Variants in MAPDA observed in about 807,000 individuals in gnomAD.
The protein encoded by MAPDA is N6,N6-dimethyl-AMP deaminase.
the MAPDA span, among the ~76,000 whole-genome samples, chr15:43,339,940 A>G: frequency 0.46 from 69,724 of 152,144 alleles, 19,997 homozygotes; most frequent in African/African-American, 0.82. Context: ...TTAGTTTTGC[A>G]CCATTTCTCT....
the MAPDA span, among the ~76,000 whole-genome samples, chr15:43,343,344 G>T: frequency 0.022 from 3,301 of 152,262 alleles, 117 homozygotes; most frequent in African/African-American, 0.076. Context: ...TGGCCTACAA[G>T]GTCCCACATG....
the MAPDA span, among the ~76,000 whole-genome samples, chr15:43,336,997 G>T: frequency 6.6e-6 from 1 of 151,978 alleles, no homozygotes; most frequent in South Asian, 2.1e-4. Context: ...GGCTGGGCGT[G>T]GTGGCTCACG....
At chr15:43,342,882 G>C in the MAPDA span, 1 of 743,410 alleles carries the variant, frequency 1.3e-6, no homozygotes, top group Non-Finnish European at 2.2e-6. Flanking sequence ...CTTTAACTAT[G>C]CCCTTGTCAT....
chr15:43,349,634 G>A, the MAPDA span, among the ~76,000 whole-genome samples: 4 of 152,192 alleles, frequency 2.6e-5, no homozygotes, highest in African/African-American at 9.7e-5. Context: ...AGTAGTGATT[G>A]TATAACCACT....
the MAPDA span, chr15:43,345,821 T>C: frequency 2.5e-6 from 4 of 1,613,332 alleles, no homozygotes; most frequent in Non-Finnish European, 2.5e-6. Flanking sequence ...CTGTGTCATA[T>C]TAGTTTTCAA....
At chr15:43,335,569 G>C in the MAPDA span, 1 of 1,105,384 alleles carries the variant, frequency 9.0e-7, no homozygotes, top group East Asian at 2.6e-5. Context: ...GGCAAAATTT[G>C]TAAACTTTAT....
the MAPDA span, among the ~76,000 whole-genome samples, chr15:43,347,970 C>A: frequency 6.6e-6 from 1 of 152,194 alleles, no homozygotes; most frequent in Admixed American, 6.5e-5. Context: ...GCTGACCTAA[C>A]TGATGTGTGA....
chr15:43,351,167 G>T, the MAPDA span: 544 of 902,382 alleles, frequency 6.0e-4, no homozygotes, highest in Non-Finnish European at 8.2e-4. Flanking sequence ...GAGTTAGAAG[G>T]GACCGGGGTG....
chr15:43,337,262 C>A, the MAPDA span, among the ~76,000 whole-genome samples: 4 of 128,724 alleles, frequency 3.1e-5, no homozygotes, highest in Non-Finnish European at 4.7e-5. Context: ...GGCAACAGAG[C>A]GAGACTCCGT....
At chr15:43,345,246 C>T in the MAPDA span, among the ~76,000 whole-genome samples, 1 of 151,252 alleles carries the variant, frequency 6.6e-6, no homozygotes, top group African/African-American at 2.4e-5. Context: ...CCCAGCTACT[C>T]GGGTGACTGA....
chr15:43,331,686 T>C, the MAPDA span, among the ~76,000 whole-genome samples: 32 of 152,246 alleles, frequency 2.1e-4, no homozygotes, highest in South Asian at 4.6e-3. Context: ...ACATTTAGAT[T>C]TGGTGTTTAA....
the MAPDA span, among the ~76,000 whole-genome samples, chr15:43,334,706 T>C: frequency 7.2e-6 from 1 of 137,950 alleles, no homozygotes; most frequent in African/African-American, 2.5e-5. Context: ...ATTTTTGAAG[T>C]CGTTGTATAG....
At chr15:43,331,646 T>A in the MAPDA span, among the ~76,000 whole-genome samples, 1 of 152,214 alleles carries the variant, frequency 6.6e-6, no homozygotes, top group Admixed American at 6.5e-5. Flanking sequence ...AAGGTTTGGA[T>A]CAGGATAAAG....
At chr15:43,334,572 G>A in the MAPDA span, among the ~76,000 whole-genome samples, 1 of 143,486 alleles carries the variant, frequency 7.0e-6, no homozygotes, top group Non-Finnish European at 1.5e-5. Flanking sequence ...AGGCTGCAGT[G>A]AGCTGAGACC....
chr15:43,348,838 C>A, the MAPDA span: 1 of 1,519,576 alleles, frequency 6.6e-7, no homozygotes, highest in Non-Finnish European at 8.9e-7. Flanking sequence ...GGGTACCTAG[C>A]TATAGAAAAA....
At chr15:43,337,049 A>T in the MAPDA span, among the ~76,000 whole-genome samples, 1 of 151,934 alleles carries the variant, frequency 6.6e-6, no homozygotes, top group Non-Finnish European at 1.5e-5. Flanking sequence ...TGGGCGGATC[A>T]CAAGGTCAGG....
At chr15:43,330,352 C>A in the MAPDA span, 1 of 1,603,628 alleles carries the variant, frequency 6.2e-7, no homozygotes, top group Admixed American at 1.7e-5. Context: ...GTGCGCGGCG[C>A]GCCGCGCCCG....
chr15:43,331,688 G>C, the MAPDA span, among the ~76,000 whole-genome samples: 9 of 152,280 alleles, frequency 5.9e-5, 1 homozygote, highest in Admixed American at 5.9e-4. Flanking sequence ...ATTTAGATTT[G>C]GTGTTTAAAA....
chr15:43,341,663 A>AC, the MAPDA span, among the ~76,000 whole-genome samples: 67,766 of 150,130 alleles, frequency 0.45, 19,191 homozygotes, highest in African/African-American at 0.81. Flanking sequence ...GCATCATAAG[A>AC]CCCCCCCCAC....
Sources: allele counts gnomAD v4.1 joint callset (sites outside exome capture counted in the v4.1 genomes callset), GRCh38; gene constraint gnomAD v4.1.1; transcripts MANE v1.5; gene names NCBI Gene and HGNC (gene_info 2026-07-23, HGNC 2026-07-21).